Variants in MAP2 observed in about 807,000 individuals in gnomAD.
The protein encoded by MAP2 is microtubule associated protein 2.
A neutral mutation model predicts 137.6 loss-of-function variants in MAP2; 14 were observed. The ratio of observed to expected loss-of-function variants is 0.10; its 90% CI spans 0.07 to 0.16. The LOEUF is 0.16. Ranked by LOEUF, MAP2 falls within the 10% of genes least tolerant of loss-of-function variation. The pLI, the probability that MAP2 is intolerant of heterozygous loss-of-function variation, is 1.00. For synonymous variants in MAP2, 786 were observed against 782.3 expected (o/e 1.00, Z -0.08); for missense variants, 2,088 against 2,191.5 (o/e 0.95, Z 0.94).
chr2:209,507,882 C>T (rs1286077267), intron 2 of MAP2, among the ~76,000 whole-genome samples: 2 of 151,754 alleles, frequency 1.3e-5, no homozygotes, highest in African/African-American at 4.8e-5. Context: ...TTACTACTAC[C>T]TGAGTTTCGA....
At chr2:209,641,447 C>T (rs1211379867) in intron 4 of MAP2, among the ~76,000 whole-genome samples, 1 of 151,484 alleles carries the variant, frequency 6.6e-6, no homozygotes. Flanking sequence ...ATTTTTTCTC[C>T]TTATAAAGAA....
rs1186032597 is a variant in MAP2, at chr2:209,621,257, A to ATTTTTTTTTTTTT, written c.-106-3789_-106-3777dup. ...GATTCCAGCAACTTCAGGCATCTTGATTTTTTTTTTTTTTTTTTTGAGAGA... is the reference window on the plus strand; with the variant it reads ...GATTCCAGCAACTTCAGGCATCTTGATTTTTTTTTTTTTTTTTTTTTTTTTTTTTTTTGAGAGA... On this transcript the variant is annotated intron_variant, in intron 3 of 15. Transcript: ENST00000682079. Among the ~76,000 whole-genome samples the ATTTTTTTTTTTTT allele has an allele frequency of 3.4e-4, 42 of 125,120 alleles. 1 individual carries two copies. The highest frequency in any genetic ancestry group is 1.2e-3 in the African/African-American group (37 of 31,932). 82.1% of individuals were successfully genotyped at this position (125,120 alleles called of 152,430 possible).
At position 209,541,116 on chromosome 2, in the gene MAP2, C is replaced by T. The variant is rs544523934; in HGVS notation, c.-172+33475C>T. 1.3e-4 allele frequency among the ~76,000 whole-genome samples: 20 copies of T among 151,142 alleles called. 1 individual carries two copies. Among genetic ancestry groups the T allele is most frequent in the South Asian group, 2.1e-4 (1 of 4,828 alleles). ...CACGATCTCGGCTCACTGCAACTTC[C>T]GCCTCCCGGGTTCAAGCAATTCTCC... On this transcript the variant is annotated intron_variant, in intron 2 of 15. Coordinates refer to ENST00000682079, the MANE Select transcript of MAP2 (RefSeq NM_001375505.1).
At chr2:209,445,805 A>G (rs1471664437) in intron 1 of MAP2, among the ~76,000 whole-genome samples, 11 of 151,702 alleles carry the variant, frequency 7.3e-5, no homozygotes, top group African/African-American at 2.7e-4. Context: ...GCATGTTTTA[A>G]TAATATGTGG....
chr2:209,631,541 C>T (rs1172821976), intron 4 of MAP2, among the ~76,000 whole-genome samples: 1 of 151,786 alleles, frequency 6.6e-6, no homozygotes, highest in South Asian at 2.1e-4. Context: ...TTGGCCGGTT[C>T]CCCTTTTGTC....
rs2059926271 is a variant in MAP2, at chr2:209,695,368, G to A, written c.3198G>A (p.Arg1066=). The change falls in exon 8 of 16, where the codon AGG becomes AGA. Residue 1066 remains arginine (R), a synonymous_variant. Transcript: ENST00000682079. ...CAGGGCTAAACATAGATGATAGAAG[G>A]GCAACAGAGCTAAAACTTGAGGCTA... is the stretch of plus-strand genomic sequence containing the variant. ...MASGLNIDDR[R]ATELKLEATQ... 1 of 1,613,442 alleles carries A rather than the reference G, an allele frequency of 6.2e-7. No individual in the cohort carries two copies. Among genetic ancestry groups the A allele is most frequent in the African/African-American group, 1.3e-5 (1 of 74,882 alleles).
intron 1 of MAP2, among the ~76,000 whole-genome samples, chr2:209,491,001 T>A (rs2059043106): frequency 6.6e-6 from 1 of 152,208 alleles, no homozygotes; most frequent in Non-Finnish European, 1.5e-5. Context: ...ATATACATTC[T>A]TCTCAGCACC....
intron 1 of MAP2, among the ~76,000 whole-genome samples, chr2:209,452,183 G>C (rs954486518): frequency 6.6e-6 from 1 of 152,200 alleles, no homozygotes; most frequent in Non-Finnish European, 1.5e-5. Context: ...TGAAGTGACA[G>C]TCTAGGTATT....
At chr2:209,700,092 T>C (rs1239728973) in intron 10 of MAP2, among the ~76,000 whole-genome samples, 185 bp from the exon 11 acceptor site, 2 of 152,232 alleles carry the variant, frequency 1.3e-5, no homozygotes, top group Non-Finnish European at 2.9e-5. Flanking sequence ...CACTATTTGT[T>C]GGAGCCACAT....
chr2:209,715,116 AT>A (rs1337219904), intron 13 of MAP2, among the ~76,000 whole-genome samples: 2 of 152,140 alleles, frequency 1.3e-5, no homozygotes, highest in Non-Finnish European at 2.9e-5. Flanking sequence ...ACTACATTAA[AT>A]TTGGAAAGGT....
At chr2:209,457,877 T>C (rs937082384) in intron 1 of MAP2, among the ~76,000 whole-genome samples, 2 of 152,188 alleles carry the variant, frequency 1.3e-5, no homozygotes, top group Non-Finnish European at 2.9e-5. Context: ...CCACAAACCA[T>C]GGGCCACAGT....
At chr2:209,467,885 C>T (rs1022215403) in intron 1 of MAP2, among the ~76,000 whole-genome samples, 8 of 152,154 alleles carry the variant, frequency 5.3e-5, no homozygotes, top group South Asian at 2.1e-4. Flanking sequence ...GTTGGTATGA[C>T]GATTATATTA....
chr2:209,443,558 C>A (rs116483338), intron 1 of MAP2, among the ~76,000 whole-genome samples: 10,259 of 40,316 alleles, frequency 0.25, 458 homozygotes, highest in Middle Eastern at 0.35. Context: ...TGTATGCTAC[C>A]AGTCTCTTCA....
chr2:209,710,361 C>A, intron 13 of MAP2, 107 bp downstream of exon 13: 3 of 980,656 alleles, frequency 3.1e-6, no homozygotes, highest in Non-Finnish European at 4.5e-6. Flanking sequence ...TGTTAAAGAG[C>A]TTGGTTACAA....
intron 7 of MAP2, among the ~76,000 whole-genome samples, chr2:209,681,131 A>G (rs2054375235): frequency 6.6e-6 from 1 of 152,214 alleles, no homozygotes; most frequent in South Asian, 2.1e-4. Flanking sequence ...CAGGGAAGAT[A>G]CAATTCTACC....
chr2:209,727,545 A>G (rs1291378443), intron 14 of MAP2, among the ~76,000 whole-genome samples: 1 of 152,246 alleles, frequency 6.6e-6, no homozygotes, highest in Non-Finnish European at 1.5e-5. Context: ...TGCTTCTATT[A>G]TAACTGAATC....
chr2:209,682,464 C>G (rs1028384764), intron 7 of MAP2, among the ~76,000 whole-genome samples: 1 of 152,100 alleles, frequency 6.6e-6, no homozygotes, highest in Non-Finnish European at 1.5e-5. Flanking sequence ...ACACTGTAGC[C>G]TGGTGACATA....
At chr2:209,711,827 A>T (rs1415963008) in intron 13 of MAP2, among the ~76,000 whole-genome samples, 2 of 152,142 alleles carry the variant, frequency 1.3e-5, no homozygotes, top group Admixed American at 1.3e-4. Flanking sequence ...TAGAATAACT[A>T]TTATGTATAT....
At chr2:209,496,987 C>T (rs2198475) in intron 1 of MAP2, among the ~76,000 whole-genome samples, 91,871 of 151,928 alleles carry the variant, frequency 0.6, 28,242 homozygotes, top group Middle Eastern at 0.67. Context: ...CTCTCTATGT[C>T]GCTTATGCTG....
Sources: gnomAD v4.1 joint callset for allele counts (sites outside exome capture counted in the v4.1 genomes callset) on GRCh38, gnomAD v4.1.1 for gene constraint, MANE v1.5 for transcripts, NCBI Gene and HGNC (gene_info 2026-07-23, HGNC 2026-07-21) for gene names.